Variants in FAM228B observed in about 807,000 individuals in gnomAD.
FAM228B encodes the protein family with sequence similarity 228 member B.
A neutral mutation model predicts 42.6 loss-of-function variants in FAM228B; 38 were observed. That is an observed-to-expected ratio of 0.89 (90% CI 0.69 to 1.17). The LOEUF is 1.17. Ranked by LOEUF, FAM228B falls within the 50% of genes most tolerant of loss-of-function variation. The pLI, the probability that FAM228B is intolerant of heterozygous loss-of-function variation, is 0.00. For synonymous variants in FAM228B, 109 were observed against 122.3 expected (o/e 0.89, Z 0.72); for missense variants, 344 against 367.3 (o/e 0.94, Z 0.52).
At chr2:24,092,924 GCACACA>G (rs3030954) in intron 2 of FAM228B, among the ~76,000 whole-genome samples, 1,357 of 133,494 alleles carry the variant, frequency 0.01, 15 homozygotes, top group African/African-American at 0.021. Flanking sequence ...ATGATTTTAT[GCACACA>G]CACACACACA....
At chr2:24,092,166 C>T (rs1665405000) in intron 2 of FAM228B, among the ~76,000 whole-genome samples, 1 of 127,574 alleles carries the variant, frequency 7.8e-6, no homozygotes, top group Non-Finnish European at 1.6e-5. Flanking sequence ...GCAGAGGTTG[C>T]ATTGATCATA....
In FAM228B at chr2:24,077,655, G is replaced by T. The variant is rs772369233; in HGVS notation, c.-290+686G>T. ...GTACTTATGGGCCTCCTGGATTTCG[G>T]TCACTGGGTAGATTCTGTCCAGAAC... On this transcript the variant is annotated intron_variant, in intron 1 of 10. Coordinates refer to the FAM228B transcript ENST00000613899. This position sits in a 1 kb window ranked among gnomAD's most constrained non-coding sequence, Gnocchi z 5.5. 1.2e-6 allele frequency: 2 copies of T among 1,613,986 alleles called. No individual in the cohort carries two copies. The highest frequency in any genetic ancestry group is 1.7e-6 in the Non-Finnish European group (2 of 1,180,010).
At chr2:24,092,104 G>T (rs1665403221) in intron 2 of FAM228B, among the ~76,000 whole-genome samples, 1 of 149,150 alleles carries the variant, frequency 6.7e-6, no homozygotes. Flanking sequence ...TGTGCCTGTA[G>T]TTCCAGCTAC....
At chr2:24,126,599 A>T (rs1361150422) in intron 2 of FAM228B, among the ~76,000 whole-genome samples, 1 of 150,338 alleles carries the variant, frequency 6.7e-6, no homozygotes, top group Non-Finnish European at 1.5e-5. Flanking sequence ...TTTACATGCC[A>T]TAAGATTCAC....
intron 9 of FAM228B, 73 bp downstream of exon 9, chr2:24,164,408 G>A: frequency 6.9e-7 from 1 of 1,459,756 alleles, no homozygotes; most frequent in South Asian, 1.3e-5. Context: ...GAGCACCTGG[G>A]AACTTTCTTT....
intron 7 of FAM228B, among the ~76,000 whole-genome samples, chr2:24,159,039 C>G (rs1204405514): frequency 6.6e-6 from 1 of 152,164 alleles, no homozygotes. Flanking sequence ...TCTCTGCAGT[C>G]TCTGTCTCCA....
At chr2:24,079,963 C>T (rs947314181) in intron 1 of FAM228B, among the ~76,000 whole-genome samples, 2 of 152,174 alleles carry the variant, frequency 1.3e-5, no homozygotes, top group Non-Finnish European at 2.9e-5. Context: ...GGAGGCCCAA[C>T]CTAGGCTAGT....
chr2:24,167,935 T>C, intron 10 of FAM228B: 1 of 409,412 alleles, frequency 2.4e-6, no homozygotes, highest in Non-Finnish European at 4.5e-6. Context: ...AGAAAATTCC[T>C]ATTGCTTGGA....
At chr2:24,093,219 G>A (rs1053794705) in intron 2 of FAM228B, among the ~76,000 whole-genome samples, 1 of 152,120 alleles carries the variant, frequency 6.6e-6, no homozygotes, top group East Asian at 1.9e-4. Flanking sequence ...GTGCCATGGT[G>A]GTTTACTACA....
intron 2 of FAM228B, among the ~76,000 whole-genome samples, chr2:24,089,388 G>A (rs914660823): frequency 6.6e-6 from 1 of 152,102 alleles, no homozygotes; most frequent in African/African-American, 2.4e-5. Context: ...ATTAAATTAT[G>A]TGAAATTCTA....
chr2:24,156,549 G>A (rs1050335953), intron 7 of FAM228B, among the ~76,000 whole-genome samples: 5 of 152,118 alleles, frequency 3.3e-5, no homozygotes, highest in Admixed American at 2.0e-4. Flanking sequence ...CAGGAGAATC[G>A]CTTGAACCCT....
intron 7 of FAM228B, among the ~76,000 whole-genome samples, chr2:24,155,532 T>TATATATATATATATATA (rs1491091074): frequency 6.1e-4 from 7 of 11,492 alleles, no homozygotes; most frequent in Non-Finnish European, 1.3e-3. Flanking sequence ...TATATATATA[T>TATATATATATATATATA]TTTTTTTTTT....
chr2:24,141,423 T>C (rs924681193), intron 5 of FAM228B, among the ~76,000 whole-genome samples: 1 of 152,194 alleles, frequency 6.6e-6, no homozygotes, highest in Non-Finnish European at 1.5e-5. Flanking sequence ...TTTTTGTATA[T>C]TTAGTAGAGA....
chr2:24,115,202 T>G (rs373986832), intron 3 of FAM228B, among the ~76,000 whole-genome samples: 2 of 152,202 alleles, frequency 1.3e-5, no homozygotes, highest in African/African-American at 4.8e-5. Flanking sequence ...CCCTTCATTT[T>G]TCAAGGTTGC....
In FAM228B at chr2:24,084,391, C is replaced by T; in HGVS notation, c.-210+3436C>T. On this transcript the variant is annotated intron_variant, in intron 2 of 10. Coordinates refer to the FAM228B transcript ENST00000613899. This position sits in a 1 kb window ranked among gnomAD's most constrained non-coding sequence, Gnocchi z 8.4. ...CAGGGCAGGGCAGGGCAGGACAGGA[C>T]AGGGCAGGGCAGGACAGGACAGGGC... 1.4e-6 allele frequency: 2 copies of T among 1,433,012 alleles called. No homozygotes were observed. The highest frequency in any genetic ancestry group is 9.3e-7 in the Non-Finnish European group (1 of 1,078,124). 88.8% of individuals were successfully genotyped at this position (1,433,012 alleles called of 1,614,324 possible).
chr2:24,090,034 G>A (rs1244574820), intron 2 of FAM228B, among the ~76,000 whole-genome samples: 2 of 151,708 alleles, frequency 1.3e-5, no homozygotes, highest in East Asian at 3.9e-4. Flanking sequence ...AGCACTTTGG[G>A]AGGCCAAGGC....
At position 24,110,771 on chromosome 2, in the gene FAM228B, C is replaced by G. The variant is rs190658191; in HGVS notation, c.-121+15542C>G. Among the ~76,000 whole-genome samples, 22 of 152,244 alleles carry G rather than the reference C, an allele frequency of 1.4e-4. 1 individual carries two copies. In the South Asian group the frequency reaches 2.7e-3, roughly 19 times the overall value. ...TTATCATGAGTCATGGGACTCCCCC[C>G]CCAAATCTGTAGCCAGGTCAGACAG... On this transcript the variant is annotated intron_variant, in intron 3 of 10. Transcript: ENST00000613899.
In FAM228B at chr2:24,138,200, C is replaced by G. The variant is rs185702062; in HGVS notation, c.360+100C>G. ...AGTCAGTCTGTCCCTGTCCCCTCTA[C>G]ATATGTATCATCTATACCCTGTTAC... On this transcript the variant is annotated intron_variant, in intron 4 of 10. Transcript: ENST00000615575. 4,082 of 848,788 alleles carry G rather than the reference C, an allele frequency of 4.8e-3. 12 individuals are homozygous for G. The highest frequency in any genetic ancestry group is 9.3e-3 in the Middle Eastern group (26 of 2,810). The allele number at this position is 848,788 out of a possible 1,614,324, so 52.6% of individuals were successfully genotyped here.
intron 10 of FAM228B, chr2:24,168,002 C>A: frequency 3.5e-6 from 1 of 285,558 alleles, no homozygotes; most frequent in South Asian, 4.7e-5. Context: ...TGGCTCTAAG[C>A]ATCTGATGGA....
Sources: gnomAD v4.1 joint callset for allele counts (sites outside exome capture counted in the v4.1 genomes callset) on GRCh38, gnomAD v4.1.1 for gene constraint, Gnocchi (gnomAD v3.1) non-coding constraint, MANE v1.5 for transcripts, NCBI Gene and HGNC (gene_info 2026-07-23, HGNC 2026-07-21) for gene names.